The following PRDM16 variants were observed in gnomAD, a reference collection of about 807,000 sequenced individuals.
PRDM16 encodes the protein histone-lysine N-methyltransferase PRDM16.
Under a neutral mutation model 110.6 loss-of-function variants are expected in PRDM16, and 23 were observed. The ratio of observed to expected loss-of-function variants is 0.21; its 90% CI spans 0.15 to 0.29. PRDM16 has a LOEUF of 0.29. Ranked by LOEUF, PRDM16 falls within the 10% of genes least tolerant of loss-of-function variation. PRDM16 has a pLI of 1.00. For synonymous variants in PRDM16, 799 were observed against 781.8 expected (o/e 1.02, Z -0.37); for missense variants, 1,615 against 1,794.3 (o/e 0.90, Z 1.81).
chr1:3,122,387 A>G (rs1643113826), intron 1 of PRDM16, among the ~76,000 whole-genome samples: 1 of 152,162 alleles, frequency 6.6e-6, no homozygotes, highest in African/African-American at 2.4e-5. Flanking sequence ...GATCCCGGAA[A>G]CAGCAAGTCT....
At chr1:3,114,152 C>CT (rs1642860937) in intron 1 of PRDM16, among the ~76,000 whole-genome samples, 1 of 147,770 alleles carries the variant, frequency 6.8e-6, no homozygotes, top group Admixed American at 6.9e-5. Context: ...ACTGCACACA[C>CT]GCACACACAC....
Position 3,125,567 on chromosome 1 carries a change from C to T in PRDM16, c.37+56271C>T, listed in dbSNP as rs372981506. On this transcript the variant is annotated intron_variant, in intron 1 of 16. Coordinates refer to ENST00000270722, the MANE Select transcript of PRDM16 (RefSeq NM_022114.4). ...GGGGGGACCGGCCCTGCCTGGCGCTCGCCAAGGCTCTGGAGGAGCAATGAG... is the reference window on the plus strand; with the variant it reads ...GGGGGGACCGGCCCTGCCTGGCGCTTGCCAAGGCTCTGGAGGAGCAATGAG... Among the ~76,000 whole-genome samples the T allele has an allele frequency of 5.0e-3, 765 of 152,376 alleles. 7 individuals are homozygous for T. Among genetic ancestry groups the T allele is most frequent in the African/African-American group, 6.3e-3 (261 of 41,598 alleles).
intron 1 of PRDM16, among the ~76,000 whole-genome samples, chr1:3,141,146 C>T (rs183105916): frequency 1.3e-5 from 2 of 152,090 alleles, no homozygotes; most frequent in Non-Finnish European, 1.5e-5. Context: ...TTTTTCATTC[C>T]CCAATTTCCA....
chr1:3,275,728 G>GT (rs1557574858), intron 3 of PRDM16, among the ~76,000 whole-genome samples: 1 of 152,204 alleles, frequency 6.6e-6, no homozygotes, highest in East Asian at 1.9e-4. Context: ...TGGACTTTAG[G>GT]TGACCTTTTG....
At chr1:3,348,629 C>T (rs1642413102) in intron 3 of PRDM16, among the ~76,000 whole-genome samples, 1 of 152,218 alleles carries the variant, frequency 6.6e-6, no homozygotes, top group African/African-American at 2.4e-5. Context: ...GCTTTGAACT[C>T]ACAGTGCCCC....
rs1641691451 is a variant in PRDM16, at chr1:3,069,516, G to A, written c.37+220G>A. Among the ~76,000 whole-genome samples, 1 of 147,680 alleles carries A rather than the reference G, an allele frequency of 6.8e-6. No homozygotes were observed. On this transcript the variant is annotated intron_variant, in intron 1 of 16. Coordinates refer to ENST00000270722, the MANE Select transcript of PRDM16 (RefSeq NM_022114.4). This position sits in a 1 kb window ranked among gnomAD's most constrained non-coding sequence, Gnocchi z 6.1. ...CGCCCGGGCCGCGCGCTCCCCGAAG[G>A]CGCCGGCCCCCTCCCCGCGGAACCC... is the stretch of plus-strand genomic sequence containing the variant.
chr1:3,395,391 C>G (rs1643370177), intron 4 of PRDM16, among the ~76,000 whole-genome samples: 1 of 152,166 alleles, frequency 6.6e-6, no homozygotes, highest in South Asian at 2.1e-4. Context: ...TAGACCCACT[C>G]TGTTTTCTTG....
At chr1:3,166,436 G>C (rs970511321) in intron 1 of PRDM16, among the ~76,000 whole-genome samples, 1 of 152,216 alleles carries the variant, frequency 6.6e-6, no homozygotes, top group South Asian at 2.1e-4. Flanking sequence ...AGGCGCGTCC[G>C]GGCGAGGCTC....
At chr1:3,216,895 C>A (rs988602628) in intron 2 of PRDM16, among the ~76,000 whole-genome samples, 1 of 152,252 alleles carries the variant, frequency 6.6e-6, no homozygotes, top group East Asian at 1.9e-4. Flanking sequence ...TCTTCCTCAG[C>A]CTCCCAGGCT....
At chr1:3,309,443 A>T (rs1222089368) in intron 3 of PRDM16, 1 of 152,150 alleles carries the variant, frequency 6.6e-6, no homozygotes, top group Non-Finnish European at 1.5e-5. Flanking sequence ...ACTGCTCCAT[A>T]TGTGGGGAGC....
intron 12 of PRDM16, among the ~76,000 whole-genome samples, chr1:3,421,664 C>T (rs374803280): frequency 2.0e-5 from 3 of 152,334 alleles, no homozygotes; most frequent in East Asian, 3.9e-4. Flanking sequence ...TGGCTCTCCC[C>T]GGCCCCAGAG....
Position 3,323,951 on chromosome 1 carries a change from T to C in PRDM16, c.439-61201T>C, listed in dbSNP as rs147968690. Among the ~76,000 whole-genome samples, 440 of 152,086 alleles carry C rather than the reference T, an allele frequency of 2.9e-3. 2 individuals are homozygous for C. Among genetic ancestry groups the C allele is most frequent in the African/African-American group, 0.01 (421 of 41,496 alleles). ...GCAGCGGACGGGGCTGGTGAAGGGG[T>C]TGCTGCTGAGGCACCAGGAGAAGCT... On this transcript the variant is annotated intron_variant, in intron 3 of 16. Coordinates refer to ENST00000270722, the MANE Select transcript of PRDM16 (RefSeq NM_022114.4).
intron 1 of PRDM16, among the ~76,000 whole-genome samples, chr1:3,095,909 G>C (rs1203035807): frequency 6.6e-6 from 1 of 152,042 alleles, no homozygotes; most frequent in African/African-American, 2.4e-5. Context: ...GCATGGACTC[G>C]AGGTCCGCTC....
intron 12 of PRDM16, among the ~76,000 whole-genome samples, chr1:3,423,788 GC>G (rs1017475886): frequency 1.3e-5 from 2 of 152,196 alleles, no homozygotes; most frequent in African/African-American, 2.4e-5. Context: ...CTGCTACCAG[GC>G]CCCCCCGGCC....
rs1428041744 is a variant in PRDM16 at position 3,434,698 on chromosome 1, C to T, written c.*887C>T. 4.3e-6 allele frequency: 1 copy of T among 232,598 alleles called. No homozygotes were observed. Among genetic ancestry groups the T allele is most frequent in the Non-Finnish European group, 8.5e-6 (1 of 117,698 alleles). 14.4% of individuals were successfully genotyped at this position (232,598 alleles called of 1,614,324 possible). Reference sequence around the variant, plus strand: ...TCAGAGGAATCCACAGGTCCCCACCCAAGATCCCTCAATTATATGGGGAAG... The same window carrying T: ...TCAGAGGAATCCACAGGTCCCCACCTAAGATCCCTCAATTATATGGGGAAG... On this transcript the variant is annotated 3_prime_UTR_variant, in exon 17 of 17. Coordinates refer to ENST00000270722, the MANE Select transcript of PRDM16 (RefSeq NM_022114.4).
intron 3 of PRDM16, among the ~76,000 whole-genome samples, chr1:3,280,635 G>A (rs993083002): frequency 2.0e-5 from 3 of 152,198 alleles, no homozygotes; most frequent in African/African-American, 4.8e-5. Flanking sequence ...GGTCTGTGGC[G>A]TTAAGGTCAC....
Position 3,327,652 on chromosome 1 carries a change from A to G in PRDM16, c.439-57500A>G, listed in dbSNP as rs1373612816. ...GCCTTTTCTTGGAGGCGGAGGTTACAGTGGCAGGGATGGGCACAGTGGATG... is the reference window on the plus strand; with the variant it reads ...GCCTTTTCTTGGAGGCGGAGGTTACGGTGGCAGGGATGGGCACAGTGGATG... On this transcript the variant is annotated intron_variant, in intron 3 of 16. Coordinates refer to ENST00000270722, the MANE Select transcript of PRDM16 (RefSeq NM_022114.4). Among the ~76,000 whole-genome samples the G allele has an allele frequency of 2.0e-5, 3 of 148,984 alleles. No homozygotes were observed. In the Admixed American group the frequency reaches 2.0e-4, roughly 10 times the overall value.
chr1:3,405,344 G>A, intron 7 of PRDM16, 151 bp from the exon 8 acceptor site: 1 of 849,200 alleles, frequency 1.2e-6, no homozygotes, highest in African/African-American at 1.7e-5. Flanking sequence ...TTGCTACACA[G>A]AGACCTGTCC....
intron 1 of PRDM16, among the ~76,000 whole-genome samples, chr1:3,116,661 C>T (rs988339182): frequency 5.9e-5 from 9 of 152,272 alleles, no homozygotes; most frequent in East Asian, 5.8e-4. Flanking sequence ...CCTGTCACTG[C>T]GGGTCTATGC....
Sources: allele counts gnomAD v4.1 joint callset (sites outside exome capture counted in the v4.1 genomes callset), GRCh38; gene constraint gnomAD v4.1.1; non-coding constraint Gnocchi (gnomAD v3.1); transcripts MANE v1.5; gene names NCBI Gene and HGNC (gene_info 2026-07-23, HGNC 2026-07-21).